COG4: variants seen among roughly 807,000 people sequenced by gnomAD.
The protein encoded by COG4 is component of oligomeric golgi complex 4.
Under a neutral mutation model 95.1 loss-of-function variants are expected in COG4, and 65 were observed. That is an observed-to-expected ratio of 0.68 (90% CI 0.56 to 0.84). The LOEUF is 0.84. Ranked by LOEUF, COG4 falls within the 40% of genes least tolerant of loss-of-function variation. The probability of loss-of-function intolerance (pLI) is 0.00; values close to 1 mark genes in which losing one functional copy is unlikely to be tolerated. For synonymous variants in COG4, 421 were observed against 374.8 expected (o/e 1.12, Z -1.42); for missense variants, 1,045 against 989.1 (o/e 1.06, Z -0.76).
chr16:70,496,901 G>C (rs2151749081), intron 11 of COG4, among the ~76,000 whole-genome samples: 1 of 152,306 alleles, frequency 6.6e-6, no homozygotes, highest in Middle Eastern at 3.4e-3. Flanking sequence ...GACCTCAAAA[G>C]CGCAGGAGAT....
At chr16:70,485,384 A>G (rs948497999) in intron 13 of COG4, among the ~76,000 whole-genome samples, 1 of 151,146 alleles carries the variant, frequency 6.6e-6, no homozygotes, top group Non-Finnish European at 1.5e-5. Flanking sequence ...TTCTATTTTT[A>G]GTAGAGACAG....
At position 70,512,362 on chromosome 16, in the gene COG4, C is replaced by G; in HGVS notation, c.615G>C (p.Glu205Asp). 6.2e-7 allele frequency: 1 copy of G among 1,614,194 alleles called. No homozygotes were observed. ...CTTCCTTGGTGGCAATGGCAAACTT[C>G]TCTGCCACAATGGCTTTGAGACGTT... ...AEQRLKAIVA[E>D]KFAIATKEGD... Residue 205 changes from glutamate (E) to aspartate (D), a missense_variant, in exon 5 of 19, where the codon GAG becomes GAC. Transcript: ENST00000323786.
intron 5 of COG4, among the ~76,000 whole-genome samples, chr16:70,510,821 T>C (rs995428364): frequency 1.3e-5 from 2 of 151,668 alleles, no homozygotes; most frequent in African/African-American, 4.8e-5. Flanking sequence ...TGGAGTGCAG[T>C]GGCACAATCT....
intron 1 of COG4, among the ~76,000 whole-genome samples, chr16:70,522,427 C>A (rs919382536): frequency 1.3e-5 from 2 of 152,176 alleles, no homozygotes; most frequent in African/African-American, 4.8e-5. Context: ...CTCCAGCCTG[C>A]GCAACAGAGA....
In COG4 at chr16:70,480,819, G is replaced by GTATCATTAAAA; in HGVS notation, c.*190_*191insTTTTAATGATA. ...TCTCGGTGGGGAGATGCTGCCCCCA[G>GTATCATTAAAA]AGCATCACCTGGCCAGGTCTGAGGG... On this transcript the variant is annotated 3_prime_UTR_variant, in exon 19 of 19. Transcript: ENST00000323786. 9 of 644,038 alleles carry GTATCATTAAAA rather than the reference G, an allele frequency of 1.4e-5. No homozygotes were observed. The highest frequency in any genetic ancestry group is 2.4e-5 in the Non-Finnish European group (9 of 374,926). The allele number at this position is 644,038 out of a possible 1,614,324, so 39.9% of individuals were successfully genotyped here.
At position 70,496,724 on chromosome 16, in the gene COG4, C is replaced by T. The variant is rs575565861; in HGVS notation, c.1482-293G>A. ...CAACAAAGCTGTGCGGCTTAGTGAACGCAGTACCATGTAGGAGTTGAGAAC... is the reference window on the plus strand; with the variant it reads ...CAACAAAGCTGTGCGGCTTAGTGAATGCAGTACCATGTAGGAGTTGAGAAC... On this transcript the variant is annotated intron_variant, in intron 11 of 18. Transcript: ENST00000323786. Among the ~76,000 whole-genome samples the T allele has an allele frequency of 3.3e-5, 5 of 152,292 alleles. No individual in the cohort carries two copies. The South Asian group carries it at 6.2e-4, about 19-fold the overall frequency.
chr16:70,492,125 C>G (rs962648018), intron 12 of COG4, among the ~76,000 whole-genome samples: 1 of 152,168 alleles, frequency 6.6e-6, no homozygotes, highest in African/African-American at 2.4e-5. Context: ...CTCTGAGCTT[C>G]CAGATGGATA....
intron 9 of COG4, among the ~76,000 whole-genome samples, chr16:70,499,513 C>T (rs1027387338): frequency 2.0e-5 from 3 of 152,172 alleles, no homozygotes; most frequent in Non-Finnish European, 4.4e-5. Flanking sequence ...GCCCAAAGAA[C>T]CCTGCATATA....
At chr16:70,503,360 A>G (rs2049491756) in intron 8 of COG4, among the ~76,000 whole-genome samples, 1 of 152,048 alleles carries the variant, frequency 6.6e-6, no homozygotes, top group South Asian at 2.1e-4. Flanking sequence ...TGACCCCAAG[A>G]CATCTTTACA....
chr16:70,499,813 C>A (rs965173396), intron 9 of COG4, among the ~76,000 whole-genome samples: 3 of 152,126 alleles, frequency 2.0e-5, no homozygotes, highest in Admixed American at 2.0e-4. Flanking sequence ...ACACCCGCCA[C>A]CACGCCCGGC....
chr16:70,497,820 G>T (rs1169893203), intron 10 of COG4, 117 bp downstream of exon 10: 3 of 783,492 alleles, frequency 3.8e-6, no homozygotes, highest in African/African-American at 1.7e-5. Flanking sequence ...CACTCAATCT[G>T]CATGCAAGAG....
chr16:70,495,416 A>C (rs969474589), intron 12 of COG4, among the ~76,000 whole-genome samples: 1 of 151,310 alleles, frequency 6.6e-6, no homozygotes, highest in Non-Finnish European at 1.5e-5. Flanking sequence ...AAAAAAAAGA[A>C]TCTGATAAAA....
intron 12 of COG4, among the ~76,000 whole-genome samples, chr16:70,493,111 A>G (rs1011981777): frequency 1.3e-5 from 2 of 152,188 alleles, no homozygotes; most frequent in Non-Finnish European, 2.9e-5. Context: ...AGGGTAGAAC[A>G]TAATTCTGAC....
chr16:70,481,295 C>T (rs1325875108), intron 18 of COG4, 64 bp downstream of exon 18: 130 of 1,607,486 alleles, frequency 8.1e-5, no homozygotes, highest in Middle Eastern at 3.5e-4. Flanking sequence ...AGGGAAGTGG[C>T]GGGGATCCAT....
At chr16:70,513,676 G>C (rs1277505544) in intron 4 of COG4, among the ~76,000 whole-genome samples, 1 of 152,096 alleles carries the variant, frequency 6.6e-6, no homozygotes, top group Non-Finnish European at 1.5e-5. Flanking sequence ...TGTGATGAAG[G>C]GACAGACAGG....
At chr16:70,482,575 T>A in intron 15 of COG4, 154 bp downstream of exon 15, 1 of 709,694 alleles carries the variant, frequency 1.4e-6, no homozygotes, top group Non-Finnish European at 2.6e-6. Flanking sequence ...ACAAACTGTT[T>A]CCTGGGAGGA....
chr16:70,482,861 A>G, intron 14 of COG4, 40 bp from the exon 15 acceptor site: 2 of 1,487,594 alleles, frequency 1.3e-6, no homozygotes, highest in Middle Eastern at 1.7e-4. Flanking sequence ...CACAGAAGGC[A>G]CGACTCATCC....
At chr16:70,499,240 T>G (rs971843598) in intron 9 of COG4, among the ~76,000 whole-genome samples, 5 of 152,242 alleles carry the variant, frequency 3.3e-5, no homozygotes, top group African/African-American at 1.2e-4. Flanking sequence ...TAAAATTTTA[T>G]TTAATTGTAA....
intron 11 of COG4, among the ~76,000 whole-genome samples, 155 bp from the exon 12 acceptor site, chr16:70,496,586 G>A (rs1010132702): frequency 2.0e-5 from 3 of 152,200 alleles, no homozygotes; most frequent in African/African-American, 7.2e-5. Context: ...TGAGGAGCCA[G>A]GGTATGAAAG....
Sources: gnomAD v4.1 joint callset for allele counts (sites outside exome capture counted in the v4.1 genomes callset) on GRCh38, gnomAD v4.1.1 for gene constraint, MANE v1.5 for transcripts, NCBI Gene and HGNC (gene_info 2026-07-23, HGNC 2026-07-21) for gene names.